Variants in TMEM17 observed in about 807,000 individuals in gnomAD.
TMEM17 encodes the protein transmembrane protein 17.
Under a neutral mutation model 19.1 loss-of-function variants are expected in TMEM17, and 15 were observed. The observed-to-expected ratio is 0.78, with a 90% CI of 0.52 to 1.21. The LOEUF (loss-of-function observed/expected upper bound fraction) is 1.21, where lower values mean the gene tolerates loss of function less well. Among genes scored for constraint, TMEM17 ranks in the 50% most tolerant of loss-of-function variants. TMEM17 has a pLI of 0.00. For synonymous variants in TMEM17, 103 were observed against 86.9 expected (o/e 1.19, Z -1.03); for missense variants, 245 against 242.3 (o/e 1.01, Z -0.07).
At chr2:62,464,489 C>T in the TMEM17 span, among the ~76,000 whole-genome samples, 41 of 152,224 alleles carry the variant, frequency 2.7e-4, no homozygotes, top group South Asian at 1.2e-3. Context: ...AAGTATCCTG[C>T]TTCATCAGTA....
chr2:62,479,221 C>T, the TMEM17 span, among the ~76,000 whole-genome samples: 1 of 152,188 alleles, frequency 6.6e-6, no homozygotes, highest in Non-Finnish European at 1.5e-5. Flanking sequence ...CACTGTCTTT[C>T]CCCTACCCTT....
the TMEM17 span, among the ~76,000 whole-genome samples, chr2:62,482,666 A>T: frequency 6.6e-6 from 1 of 152,152 alleles, no homozygotes. Flanking sequence ...ACCAGGGAAG[A>T]TGTGATCCTT....
chr2:62,495,388 T>C (rs1468162754), downstream of TMEM17, among the ~76,000 whole-genome samples: 1 of 152,252 alleles, frequency 6.6e-6, no homozygotes, highest in Non-Finnish European at 1.5e-5. Flanking sequence ...AACACATTTT[T>C]CTAGGGCTTG....
At chr2:62,462,675 G>T in the TMEM17 span, among the ~76,000 whole-genome samples, 1 of 152,196 alleles carries the variant, frequency 6.6e-6, no homozygotes, top group African/African-American at 2.4e-5. Context: ...CCAATGAGTT[G>T]CAGTGAACTC....
the TMEM17 span, chr2:62,464,094 A>G: frequency 7.9e-5 from 12 of 152,212 alleles, no homozygotes; most frequent in African/African-American, 2.7e-4. Context: ...TGACTTCATT[A>G]TTCCTGGACA....
downstream of TMEM17, among the ~76,000 whole-genome samples, chr2:62,499,007 C>A (rs140426866): frequency 7.8e-3 from 1,186 of 152,144 alleles, 13 homozygotes; most frequent in African/African-American, 0.026. Context: ...ATTGGTTCAG[C>A]CTAACACAAA....
the TMEM17 span, among the ~76,000 whole-genome samples, chr2:62,462,317 A>G: frequency 6.6e-6 from 1 of 152,184 alleles, no homozygotes; most frequent in Non-Finnish European, 1.5e-5. Flanking sequence ...TGAGCACAGG[A>G]AGAGCCCTGA....
rs1346189587 is a variant in TMEM17, at chr2:62,506,143, T to C, written c.-14A>G. On this transcript the variant is annotated 5_prime_UTR_variant, in exon 1 of 4. The change creates a new upstream start codon in the 5' untranslated region. Transcript: ENST00000335390. ...CGGCAGCTCCATGCCTGGGCCTCAG[T>C]ATCCCTCACCCCCTCAGACACGGGC... The C allele has an allele frequency of 6.3e-7, 1 of 1,599,314 alleles. No homozygotes were observed. Among genetic ancestry groups the C allele is most frequent in the African/African-American group, 1.4e-5 (1 of 74,072 alleles).
chr2:62,487,546 A>G, the TMEM17 span, among the ~76,000 whole-genome samples: 1 of 152,208 alleles, frequency 6.6e-6, no homozygotes, highest in Non-Finnish European at 1.5e-5. Flanking sequence ...TCACTTTTTT[A>G]AAAGCCCTTT....
the TMEM17 span, among the ~76,000 whole-genome samples, chr2:62,456,437 G>A: frequency 1.3e-5 from 2 of 152,174 alleles, no homozygotes; most frequent in African/African-American, 4.8e-5. Context: ...ATATGGCTTT[G>A]TTTGTCTTCT....
At chr2:62,478,760 A>T in the TMEM17 span, among the ~76,000 whole-genome samples, 5 of 128,432 alleles carry the variant, frequency 3.9e-5, no homozygotes, top group East Asian at 2.0e-4. Context: ...TTCTTTATTT[A>T]AAAAAAAAAA....
At chr2:62,479,654 G>A in the TMEM17 span, among the ~76,000 whole-genome samples, 1 of 152,120 alleles carries the variant, frequency 6.6e-6, no homozygotes, top group Non-Finnish European at 1.5e-5. Context: ...GGGAGGCCGA[G>A]GCCAGCAGAC....
At chr2:62,482,052 A>G in the TMEM17 span, among the ~76,000 whole-genome samples, 376 of 152,356 alleles carry the variant, frequency 2.5e-3, 1 homozygote, top group Admixed American at 4.6e-3. Context: ...AGGGGAAGGT[A>G]GAACTGCTGT....
At chr2:62,484,686 C>T in the TMEM17 span, among the ~76,000 whole-genome samples, 1 of 152,162 alleles carries the variant, frequency 6.6e-6, no homozygotes, top group South Asian at 2.1e-4. Context: ...AGACCCTTTA[C>T]GTTATGTAAA....
chr2:62,462,459 A>G, the TMEM17 span, among the ~76,000 whole-genome samples: 1 of 152,148 alleles, frequency 6.6e-6, no homozygotes, highest in African/African-American at 2.4e-5. Flanking sequence ...GCCGCAGGGA[A>G]GACAGATGAG....
At chr2:62,480,295 T>A in the TMEM17 span, among the ~76,000 whole-genome samples, 3 of 152,150 alleles carry the variant, frequency 2.0e-5, no homozygotes, top group Admixed American at 6.5e-5. Flanking sequence ...TATTTGAGTT[T>A]CTTGTGTATT....
At chr2:62,498,715 C>CAAAAA (rs1439088466), downstream of TMEM17, among the ~76,000 whole-genome samples, 86 of 104,332 alleles carry the variant, frequency 8.2e-4, no homozygotes, top group Admixed American at 2.8e-3. Context: ...GACTCCGTCT[C>CAAAAA]AAAAATAAAA....
At chr2:62,502,169 T>G (rs1264681664) in intron 3 of TMEM17, 1 of 207,130 alleles carries the variant, frequency 4.8e-6, no homozygotes. Flanking sequence ...CAATTTTAAG[T>G]GTTTACTACA....
downstream of TMEM17, chr2:62,500,202 C>T (rs757875578): frequency 2.0e-5 from 3 of 152,160 alleles, no homozygotes; most frequent in Middle Eastern, 3.2e-3. Flanking sequence ...AAAATAATTG[C>T]ACAAGACAAG....
Sources: allele counts gnomAD v4.1 joint callset (sites outside exome capture counted in the v4.1 genomes callset), GRCh38; gene constraint gnomAD v4.1.1; transcripts MANE v1.5; gene names NCBI Gene and HGNC (gene_info 2026-07-23, HGNC 2026-07-21).